COL12A1: variants seen among roughly 807,000 people sequenced by gnomAD.
COL12A1 encodes collagen alpha-1(XII) chain.
COL12A1 carries 114 observed loss-of-function variants against 349.7 expected under a neutral mutation model. That is an observed-to-expected ratio of 0.33 (90% CI 0.28 to 0.38). The LOEUF (loss-of-function observed/expected upper bound fraction) is 0.38, where lower values mean the gene tolerates loss of function less well. COL12A1 is among the 10% of genes least tolerant of loss of function. COL12A1 has a pLI of 1.00. For missense variants in COL12A1, 3,284 were observed against 3,756.9 expected, an observed-to-expected ratio of 0.87 and a Z score of 3.29; for synonymous variants, 1,369 against 1,329.0, an observed-to-expected ratio of 1.03 and a Z score of -0.66.
At position 75,103,763 on chromosome 6, in the gene COL12A1, C is replaced by T. The variant is rs1768417238; in HGVS notation, c.8313G>A (p.Gly2771=). Residue 2771 remains glycine (G), a synonymous_variant, in exon 55 of 66, where the codon GGG becomes GGA. Coordinates refer to ENST00000322507, the MANE Select transcript of COL12A1 (RefSeq NM_004370.6). ...KGPRGERGIS[G]AIGPPGPRGD... Reference sequence around the variant, plus strand: ...CACTCTAAAATATACTTACAATTGCCCCACTGATACCTCTTTCACCTCTGG... The same window carrying T: ...CACTCTAAAATATACTTACAATTGCTCCACTGATACCTCTTTCACCTCTGG... 6.2e-7 allele frequency: 1 copy of T among 1,612,932 alleles called. No homozygotes were observed. Among genetic ancestry groups the T allele is most frequent in the Non-Finnish European group, 8.5e-7 (1 of 1,179,078 alleles).
At chr6:75,162,245 A>G (rs1201214745) in intron 14 of COL12A1, among the ~76,000 whole-genome samples, 3 of 152,226 alleles carry the variant, frequency 2.0e-5, no homozygotes, top group Non-Finnish European at 4.4e-5. Context: ...ACCTGAATTC[A>G]AACTATACTA....
chr6:75,156,879 T>A (rs1030917062), intron 14 of COL12A1, among the ~76,000 whole-genome samples: 1 of 152,196 alleles, frequency 6.6e-6, no homozygotes, highest in Non-Finnish European at 1.5e-5. Flanking sequence ...AATAATGCTG[T>A]GGAGAATACT....
chr6:75,105,220 G>A lies in COL12A1; in HGVS notation c.8251C>T (p.Pro2751Ser), dbSNP rs1292560967. 1.9e-6 allele frequency: 3 copies of A among 1,613,256 alleles called. No individual in the cohort carries two copies. The highest frequency in any genetic ancestry group is 1.1e-5 in the South Asian group (1 of 91,018). Residue 2751 changes from proline to serine, a missense_variant, in exon 54 of 66, where the codon CCT becomes TCT. This residue lies in a region of COL12A1 where 683 missense variants were observed against 932.1 expected (regional missense o/e 0.73). Coordinates refer to ENST00000322507, the MANE Select transcript of COL12A1 (RefSeq NM_004370.6). ...AATTTCCTTACTGCAGGGCCTGGAG[G>A]TCCTGGAGGTCCAACGCTGTCCTGT... ...CTQDSVGPPG[P>S]PGPAGGPGAK...
Position 75,180,979 on chromosome 6 carries a change from G to GCCAT in COL12A1, c.2120_2123dup (p.Phe709TrpfsTer27). 1 of 1,614,060 alleles carries GCCAT rather than the reference G, an allele frequency of 6.2e-7. No individual in the cohort carries two copies. The highest frequency in any genetic ancestry group is 8.5e-7 in the Non-Finnish European group (1 of 1,179,994). ...CCTCTCCAGCTAAGGGAATGCTGAA[G>GCCAT]CCATCCTCATACTCCGCAGTCACAT... On this transcript the variant is annotated frameshift_variant, in exon 11 of 66. Coordinates refer to ENST00000322507, the MANE Select transcript of COL12A1 (RefSeq NM_004370.6). LOFTEE classifies it high-confidence loss of function.
chr6:75,188,507 G>C lies in COL12A1; in HGVS notation c.852C>G (p.Leu284=). The C allele has an allele frequency of 6.2e-7, 1 of 1,613,194 alleles. No homozygotes were observed. Among genetic ancestry groups the C allele is most frequent in the Non-Finnish European group, 8.5e-7 (1 of 1,179,554 alleles). ...LGIKAADAKE[L]KQIASTPSLN... ...GTGAAGGTGTGGAGGCAATTTGTTT[G>C]AGTTCTTTTGCATCTGCAGCTTTAA... The change falls in exon 8 of 66, where the codon CTC becomes CTG. Residue 284 remains leucine, a synonymous_variant. Transcript: ENST00000322507.
rs769479852 is a variant in COL12A1, at chr6:75,132,046, T to C, written c.5831A>G (p.Asn1944Ser). ...RGLARNVQVY[N>S]PTPNSLDVRW... ...AACATCGAGGCTGTTAGGTGTAGGA[T>C]TGTATACTTGGACATTTCTTGCCAG... is the stretch of plus-strand genomic sequence containing the variant. Residue 1944 changes from asparagine (N) to serine (S), a missense_variant, in exon 35 of 66, where the codon AAT becomes AGT. Asn to Ser is a conservative substitution (Grantham distance 46, BLOSUM62 1). This residue lies in a region of COL12A1 where 2,601 missense variants were observed against 2,824.8 expected (regional missense o/e 0.92). Coordinates refer to ENST00000322507, the MANE Select transcript of COL12A1 (RefSeq NM_004370.6). 6 of 1,614,004 alleles carry C rather than the reference T, an allele frequency of 3.7e-6. No individual in the cohort carries two copies. Among genetic ancestry groups the C allele is most frequent in the South Asian group, 1.1e-5 (1 of 91,084 alleles).
At position 75,086,648 on chromosome 6, in the gene COL12A1, GTA is replaced by G. The variant is rs61611291; in HGVS notation, c.9182-93_9182-92del. 133,291 of 288,450 alleles carry G rather than the reference GTA, an allele frequency of 0.46. 30,511 individuals carry two copies. The highest frequency in any genetic ancestry group is 0.52 in the Admixed American group (10,658 of 20,610). 17.9% of individuals were successfully genotyped at this position (288,450 alleles called of 1,614,324 possible). On this transcript the variant is annotated intron_variant, in intron 65 of 65. Coordinates refer to ENST00000322507, the MANE Select transcript of COL12A1 (RefSeq NM_004370.6). ...TCCATCTACGTATGTAATGGTTAAA[GTA>G]TATATATATATATATATATATATCC...
intron 49 of COL12A1, among the ~76,000 whole-genome samples, chr6:75,114,606 C>G (rs974842994): frequency 6.6e-5 from 10 of 151,988 alleles, no homozygotes; most frequent in Non-Finnish European, 1.5e-4. Flanking sequence ...GCTATTCCTC[C>G]ATGAATTTTG....
At chr6:75,109,811 T>C (rs1445064692) in intron 51 of COL12A1, among the ~76,000 whole-genome samples, 1 of 152,100 alleles carries the variant, frequency 6.6e-6, no homozygotes, top group East Asian at 1.9e-4. Context: ...AGATAATTAA[T>C]AAAATGTTTG....
Position 75,145,452 on chromosome 6 carries a change from G to T in COL12A1, c.4564C>A (p.Arg1522Ser), listed in dbSNP as rs574863380. 1 of 1,612,956 alleles carries T rather than the reference G, an allele frequency of 6.2e-7. No individual in the cohort carries two copies. The highest frequency in any genetic ancestry group is 1.7e-5 in the Admixed American group (1 of 59,920). ...ATGTCATTCACTGTTGGCCCCAAAC[G>T]CACCTGCACATGGATATGTGGAGCA... ...DTEPTRPKEV[R>S]LGPTVNDMQL... Residue 1522 changes from arginine to serine, a missense_variant, in exon 25 of 66, where the codon CGT becomes AGT. Arg to Ser is a moderately radical substitution (Grantham distance 110). This residue lies in a region of COL12A1 where 2,601 missense variants were observed against 2,824.8 expected (regional missense o/e 0.92). Coordinates refer to ENST00000322507, the MANE Select transcript of COL12A1 (RefSeq NM_004370.6).
In COL12A1 at chr6:75,171,197, T is replaced by C. The variant is rs377156778; in HGVS notation, c.2710+3841A>G. Among the ~76,000 whole-genome samples the C allele has an allele frequency of 4.3e-4, 65 of 152,320 alleles. 2 individuals carry two copies. In the South Asian group the frequency reaches 0.011, roughly 26 times the overall value. On this transcript the variant is annotated intron_variant, in intron 13 of 65. Coordinates refer to ENST00000322507, the MANE Select transcript of COL12A1 (RefSeq NM_004370.6). ...GGTTGTTGTAATTACATTGTCTAAC[T>C]GCTCTAACAACAACAGGGGAAAAAA...
intron 47 of COL12A1, among the ~76,000 whole-genome samples, chr6:75,116,482 TA>T (rs536014057): frequency 2.0e-4 from 30 of 152,172 alleles, no homozygotes; most frequent in Non-Finnish European, 3.7e-4. Context: ...CATGTAACAG[TA>T]ACAAGTGTGC....
At chr6:75,173,426 G>T (rs562492633) in intron 13 of COL12A1, among the ~76,000 whole-genome samples, 16 of 151,750 alleles carry the variant, frequency 1.1e-4, no homozygotes, top group Non-Finnish European at 2.1e-4. Context: ...GCCCAGCCTG[G>T]AGTGCAATGG....
Position 75,192,205 on chromosome 6 carries a change from T to G in COL12A1, c.334+7A>C, listed in dbSNP as rs757824341. Reference sequence around the variant, plus strand: ...ATACAAATATTTTATTTTATATGTGTGCTTACTTGTTAGTTGTCCTATAAC... The same window carrying G: ...ATACAAATATTTTATTTTATATGTGGGCTTACTTGTTAGTTGTCCTATAAC... On this transcript the variant is annotated splice_region_variant and intron_variant, in intron 4 of 65. Coordinates refer to ENST00000322507, the MANE Select transcript of COL12A1 (RefSeq NM_004370.6). 3 of 1,545,412 alleles carry G rather than the reference T, an allele frequency of 1.9e-6. No homozygotes were observed. The highest frequency in any genetic ancestry group is 2.6e-6 in the Non-Finnish European group (3 of 1,140,834).
chr6:75,122,182 G>T (rs1030106270), intron 43 of COL12A1, among the ~76,000 whole-genome samples: 2 of 152,190 alleles, frequency 1.3e-5, no homozygotes, highest in East Asian at 3.8e-4. Flanking sequence ...AGAATCATAT[G>T]CAGGAAAGGA....
rs1236499281 is a variant in COL12A1 at position 75,140,655 on chromosome 6, C to CAAAAAAAAAAAAAAAAAAAAA, written c.4957+1356_4957+1376dup. 1.3e-4 allele frequency among the ~76,000 whole-genome samples: 6 copies of CAAAAAAAAAAAAAAAAAAAAA among 46,132 alleles called. 1 individual carries two copies. The highest frequency in any genetic ancestry group is 7.7e-4 in the South Asian group (1 of 1,292). 30.3% of individuals were successfully genotyped at this position (46,132 alleles called of 152,430 possible). A position where few individuals can be genotyped will look rare whatever the true frequency, so the allele number is the denominator to read the frequency against. On this transcript the variant is annotated intron_variant, in intron 27 of 65. Coordinates refer to ENST00000322507, the MANE Select transcript of COL12A1 (RefSeq NM_004370.6). ...TGGGTGACAGAGCGAGACTCTGTCTCAAAAAAAAAAAAAAAAAAAAAAAGC... is the reference window on the plus strand; with the variant it reads ...TGGGTGACAGAGCGAGACTCTGTCTCAAAAAAAAAAAAAAAAAAAAAAAAAAAAAAAAAAAAAAAAAAAAGC...
At position 75,152,048 on chromosome 6, in the gene COL12A1, A is replaced by G; in HGVS notation, c.3836-17T>C. The G allele has an allele frequency of 2.5e-6, 4 of 1,613,792 alleles. No individual in the cohort carries two copies. Among genetic ancestry groups the G allele is most frequent in the Non-Finnish European group, 3.4e-6 (4 of 1,179,768 alleles). On this transcript the variant is annotated splice_polypyrimidine_tract_variant and intron_variant, in intron 19 of 65. Coordinates refer to ENST00000322507, the MANE Select transcript of COL12A1 (RefSeq NM_004370.6). The stretch of plus-strand genomic sequence containing the variant: ...AAGCCATGCCTAGTGGGATTTTTAA[A>G]AGAGAATCAGTCACATCACCATTCA...
chr6:75,154,358 C>A (rs1767646125), intron 17 of COL12A1, 58 bp downstream of exon 17: 13 of 1,571,444 alleles, frequency 8.3e-6, no homozygotes, highest in Non-Finnish European at 1.1e-5. Flanking sequence ...CCTAACAGTT[C>A]ACATTTGAAA....
Position 75,183,585 on chromosome 6 carries a change from C to T in COL12A1, c.1356G>A (p.Gly452=), listed in dbSNP as rs372285460. 12 of 1,613,978 alleles carry T rather than the reference C, an allele frequency of 7.4e-6. No homozygotes were observed. The highest frequency in any genetic ancestry group is 1.0e-5 in the Non-Finnish European group (12 of 1,180,020). The change falls in exon 10 of 66, where the codon GGG becomes GGA. Residue 452 remains glycine, a synonymous_variant. Coordinates refer to ENST00000322507, the MANE Select transcript of COL12A1 (RefSeq NM_004370.6). ...VFLVDGSYSI[G]IANFVKVRAF... The stretch of plus-strand genomic sequence containing the variant: ...CTCTAACTTTAACAAAGTTTGCAAT[C>T]CCAATGCTATAGGAGCCATCAACCA...
Sources: allele counts gnomAD v4.1 joint callset (sites outside exome capture counted in the v4.1 genomes callset), GRCh38; gene constraint gnomAD v4.1.1; regional missense constraint gnomAD v4.1.1; transcripts MANE v1.5; gene names NCBI Gene and HGNC (gene_info 2026-07-23, HGNC 2026-07-21).